The following DSCAM variants were observed in gnomAD, a reference collection of about 807,000 sequenced individuals.
DSCAM encodes cell adhesion molecule DSCAM.
DSCAM carries 47 observed loss-of-function variants against 217.7 expected under a neutral mutation model. That is an observed-to-expected ratio of 0.22 (90% CI 0.17 to 0.28). The LOEUF is 0.28. Ranked by LOEUF, DSCAM falls within the 10% of genes least tolerant of loss-of-function variation. The pLI, the probability that DSCAM is intolerant of heterozygous loss-of-function variation, is 1.00. For synonymous variants in DSCAM, 1,056 were observed against 1,015.3 expected (o/e 1.04, Z -0.76); for missense variants, 2,080 against 2,618.3 (o/e 0.79, Z 4.49).
intron 32 of DSCAM, among the ~76,000 whole-genome samples, chr21:40,041,909 T>C (rs1388372468): frequency 2.6e-5 from 4 of 152,220 alleles, no homozygotes; most frequent in Non-Finnish European, 5.9e-5. Context: ...TCTTGGGCTC[T>C]GTGACTGCTT....
chr21:40,429,574 A>G (rs1478979011), intron 3 of DSCAM, among the ~76,000 whole-genome samples: 1 of 152,142 alleles, frequency 6.6e-6, no homozygotes, highest in East Asian at 1.9e-4. Context: ...AGCCTGCATC[A>G]AGTTTTAAAG....
In DSCAM at chr21:40,755,136, G is replaced by C. The variant is rs952368075; in HGVS notation, c.44-46365C>G. Among the ~76,000 whole-genome samples the C allele has an allele frequency of 3.9e-5, 6 of 152,074 alleles. No homozygotes were observed. In the East Asian group the frequency reaches 1.2e-3, roughly 29 times the overall value. ...GGGCAGGACATGGAGAGATTTGGGG[G>C]ATAAGGATGAGGTTAAGATGTTGCC... On this transcript the variant is annotated intron_variant, in intron 1 of 32. Coordinates refer to ENST00000400454, the MANE Select transcript of DSCAM (RefSeq NM_001389.5).
chr21:40,340,109 G>A (rs1187601888), intron 6 of DSCAM, among the ~76,000 whole-genome samples: 3 of 152,230 alleles, frequency 2.0e-5, no homozygotes, highest in Non-Finnish European at 4.4e-5. Context: ...ATCTTAAGTA[G>A]GGTACTTAAG....
intron 3 of DSCAM, among the ~76,000 whole-genome samples, chr21:40,691,372 G>A (rs769902680): frequency 3.9e-5 from 6 of 152,282 alleles, no homozygotes; most frequent in East Asian, 1.9e-4. Context: ...CACCGAGTCC[G>A]GAAGATTGAA....
intron 3 of DSCAM, among the ~76,000 whole-genome samples, chr21:40,636,726 G>T (rs1419971280): frequency 6.7e-6 from 1 of 148,680 alleles, no homozygotes; most frequent in Non-Finnish European, 1.5e-5. Flanking sequence ...AAAATGCCAC[G>T]CTAGTCTGAG....
At chr21:40,704,554 A>AT (rs112741609) in intron 2 of DSCAM, among the ~76,000 whole-genome samples, 7,355 of 149,068 alleles carry the variant, frequency 0.049, 264 homozygotes, top group African/African-American at 0.1. Context: ...CCTCTACAAA[A>AT]TTTTTTTTTT....
rs1283281530 is a variant in DSCAM, at chr21:40,658,471, C to G, written c.508+34339G>C. Among the ~76,000 whole-genome samples, 3 of 152,192 alleles carry G rather than the reference C, an allele frequency of 2.0e-5. No individual in the cohort carries two copies. In the East Asian group the frequency reaches 5.8e-4, roughly 29 times the overall value. On this transcript the variant is annotated intron_variant, in intron 3 of 32. Transcript: ENST00000400454. ...ATGTTGAAACTGAGCCAAACTGACA[C>G]TCTAATAGGTCACAGTGAGCTGAGA...
intron 8 of DSCAM, among the ~76,000 whole-genome samples, chr21:40,333,752 G>A (rs1200416400): frequency 1.3e-5 from 2 of 152,112 alleles, no homozygotes; most frequent in East Asian, 3.9e-4. Context: ...CTGTGTTTTG[G>A]AAGTAGTTCA....
chr21:40,532,907 TGTGCA>T (rs2076460408), intron 3 of DSCAM, among the ~76,000 whole-genome samples: 1 of 131,528 alleles, frequency 7.6e-6, no homozygotes, highest in Non-Finnish European at 1.7e-5. Flanking sequence ...TGTGTGTGTG[TGTGCA>T]CACGCACGCG....
At chr21:40,181,462 T>C (rs1392288719) in intron 14 of DSCAM, among the ~76,000 whole-genome samples, 2 of 152,140 alleles carry the variant, frequency 1.3e-5, no homozygotes, top group Non-Finnish European at 2.9e-5. Context: ...GACTGCTTCA[T>C]TTGATTAAAA....
intron 3 of DSCAM, among the ~76,000 whole-genome samples, chr21:40,402,849 A>C (rs535893619): frequency 1.3e-5 from 2 of 152,156 alleles, no homozygotes; most frequent in African/African-American, 4.8e-5. Flanking sequence ...TTTTAATGAC[A>C]TATCAAAACT....
Position 40,044,144 on chromosome 21 carries a change from G to A in DSCAM, c.5317C>T (p.Pro1773Ser). The change falls in exon 31 of 33, where the codon CCC becomes TCC. Residue 1773 changes from proline (P) to serine (S), a missense_variant. Physicochemically the swap from Pro to Ser is moderately conservative, Grantham distance 74. Transcript: ENST00000400454. ...TTGTCTACTGATCCTGCAGCCCTGG[G>A]TGTTGGCAGCCTCCAGTCTGTGGTG... The part of the protein sequence containing the change: ...TLTTDWRLPT[P>S]RAAGSVDKES... 6.2e-7 allele frequency: 1 copy of A among 1,614,164 alleles called. No homozygotes were observed. Among genetic ancestry groups the A allele is most frequent in the Non-Finnish European group, 8.5e-7 (1 of 1,180,028 alleles).
At position 40,294,368 on chromosome 21, in the gene DSCAM, A is replaced by C. The variant is rs919541527; in HGVS notation, c.2182+1687T>G. On this transcript the variant is annotated intron_variant, in intron 10 of 32. Coordinates refer to ENST00000400454, the MANE Select transcript of DSCAM (RefSeq NM_001389.5). ...CAACATTAACAATCTAAGTATGCAA[A>C]TTAAAATGAGAGGGCATTTTCAACC... Among the ~76,000 whole-genome samples the C allele has an allele frequency of 4.6e-5, 7 of 152,352 alleles. No individual in the cohort carries two copies. The East Asian group carries it at 5.8e-4, about 13-fold the overall frequency.
chr21:40,753,146 A>T (rs1164552370), intron 1 of DSCAM, among the ~76,000 whole-genome samples: 1 of 152,182 alleles, frequency 6.6e-6, no homozygotes, highest in Non-Finnish European at 1.5e-5. Context: ...GAGGTACTTG[A>T]TGAACATACT....
chr21:40,204,254 T>C (rs1487582825), intron 11 of DSCAM, among the ~76,000 whole-genome samples: 1 of 152,230 alleles, frequency 6.6e-6, no homozygotes, highest in Non-Finnish European at 1.5e-5. Flanking sequence ...TGTGCAATTC[T>C]ATGCATGTAC....
Position 40,075,136 on chromosome 21 carries a change from C to A in DSCAM, c.4789G>T (p.Val1597Leu). 1.2e-6 allele frequency: 2 copies of A among 1,614,212 alleles called. No individual in the cohort carries two copies. Among genetic ancestry groups the A allele is most frequent in the Non-Finnish European group, 1.7e-6 (2 of 1,180,044 alleles). Residue 1597 changes from valine (V) to leucine (L), a missense_variant, in exon 27 of 33, where the codon GTG (valine) becomes TTG (leucine). Coordinates refer to ENST00000400454, the MANE Select transcript of DSCAM (RefSeq NM_001389.5). The stretch of plus-strand genomic sequence containing the variant: ...CCCACCAGGATACAGGAGATGGTCA[C>A]CAGCATCTTGAGCCCCTCGTTGGTC... Reference protein sequence around the residue: ...LTTNEGLKMLVTISCILVGVL... With the variant: ...LTTNEGLKMLLTISCILVGVL...
At chr21:40,785,783 C>T (rs1029902200) in intron 1 of DSCAM, among the ~76,000 whole-genome samples, 2 of 152,232 alleles carry the variant, frequency 1.3e-5, no homozygotes, top group Non-Finnish European at 2.9e-5. Context: ...AGGAAACCAA[C>T]ACATCTGCCT....
intron 11 of DSCAM, among the ~76,000 whole-genome samples, chr21:40,236,238 C>T (rs2146933167): frequency 6.6e-6 from 1 of 152,250 alleles, no homozygotes; most frequent in Admixed American, 6.5e-5. Context: ...AGCACTGAGC[C>T]CAGGGTGTGG....
At chr21:40,504,041 T>C (rs2076191028) in intron 3 of DSCAM, among the ~76,000 whole-genome samples, 1 of 152,144 alleles carries the variant, frequency 6.6e-6, no homozygotes, top group African/African-American at 2.4e-5. Context: ...CAGTGGCTCA[T>C]AAACGTTTCT....
Sources: allele counts gnomAD v4.1 joint callset (sites outside exome capture counted in the v4.1 genomes callset), GRCh38; gene constraint gnomAD v4.1.1; transcripts MANE v1.5; gene names NCBI Gene and HGNC (gene_info 2026-07-23, HGNC 2026-07-21).